CCDC178: variants seen among roughly 807,000 people sequenced by gnomAD.
The protein encoded by CCDC178 is coiled-coil domain containing 178, also known as coiled-coil domain-containing protein 178.
A neutral mutation model predicts 117.4 loss-of-function variants in CCDC178; 126 were observed. The observed-to-expected ratio is 1.07, with a 90% CI of 0.93 to 1.24. The LOEUF is 1.24. Ranked by LOEUF, CCDC178 falls within the 50% of genes most tolerant of loss-of-function variation. CCDC178 has a pLI of 0.00. For synonymous variants in CCDC178, 283 were observed against 313.4 expected (o/e 0.90, Z 1.02); for missense variants, 1,030 against 986.9 (o/e 1.04, Z -0.59).
intron 21 of CCDC178, among the ~76,000 whole-genome samples, chr18:33,085,968 A>C (rs1391233587): frequency 6.6e-6 from 1 of 152,116 alleles, no homozygotes; most frequent in Non-Finnish European, 1.5e-5. Flanking sequence ...TATGTCATTG[A>C]GATGCATATG....
chr18:33,185,740 T>G (rs1303466495), intron 20 of CCDC178, among the ~76,000 whole-genome samples: 2 of 152,054 alleles, frequency 1.3e-5, no homozygotes, highest in African/African-American at 2.4e-5. Flanking sequence ...AAGGTAATCT[T>G]GAATACCCTT....
intron 7 of CCDC178, 22 bp downstream of exon 7, chr18:33,356,301 TA>T: frequency 6.8e-7 from 1 of 1,470,682 alleles, no homozygotes. Flanking sequence ...AAAATAGTTT[TA>T]AAAAGCATGA....
chr18:33,422,277 T>A (rs2064036714), intron 2 of CCDC178, among the ~76,000 whole-genome samples: 1 of 152,196 alleles, frequency 6.6e-6, no homozygotes, highest in Non-Finnish European at 1.5e-5. Context: ...TTTTCCCCAA[T>A]ATTATGATCT....
At chr18:33,071,598 T>C (rs1050985277) in intron 21 of CCDC178, among the ~76,000 whole-genome samples, 34 of 152,196 alleles carry the variant, frequency 2.2e-4, no homozygotes, top group African/African-American at 8.2e-4. Flanking sequence ...GAAAAAATGG[T>C]AGTGAAATCC....
chr18:33,271,188 G>A (rs2059885034), intron 12 of CCDC178, among the ~76,000 whole-genome samples: 1 of 151,250 alleles, frequency 6.6e-6, no homozygotes, highest in African/African-American at 2.4e-5. Flanking sequence ...AAAATATAAA[G>A]ACATAAGACA....
intron 20 of CCDC178, among the ~76,000 whole-genome samples, chr18:33,105,554 G>C (rs1478292375): frequency 6.6e-6 from 1 of 151,496 alleles, no homozygotes; most frequent in African/African-American, 2.4e-5. Flanking sequence ...TTAAATGAGA[G>C]GACTTTTCAA....
intron 20 of CCDC178, among the ~76,000 whole-genome samples, chr18:33,106,787 C>A (rs1176908601): frequency 6.6e-6 from 1 of 151,512 alleles, no homozygotes; most frequent in Non-Finnish European, 1.5e-5. Context: ...TCTTTTCTAC[C>A]TAAGTTCAGA....
At chr18:33,189,210 T>C (rs1281777868) in intron 20 of CCDC178, among the ~76,000 whole-genome samples, 4 of 152,114 alleles carry the variant, frequency 2.6e-5, no homozygotes, top group African/African-American at 7.2e-5. Flanking sequence ...AGAAACCCCA[T>C]GGAAATGAAG....
chr18:33,065,353 C>G (rs538306425), intron 21 of CCDC178, among the ~76,000 whole-genome samples: 9 of 151,916 alleles, frequency 5.9e-5, no homozygotes, highest in Admixed American at 2.6e-4. Context: ...TCAAATTATA[C>G]CCCATGTGTA....
intron 11 of CCDC178, among the ~76,000 whole-genome samples, chr18:33,322,256 C>G (rs1052778714): frequency 6.6e-6 from 1 of 151,792 alleles, no homozygotes; most frequent in Non-Finnish European, 1.5e-5. Flanking sequence ...TCAAACATCA[C>G]CTCGGGGTAT....
chr18:33,379,187 C>CAT (rs200542487), intron 5 of CCDC178, among the ~76,000 whole-genome samples: 9 of 111,278 alleles, frequency 8.1e-5, no homozygotes, highest in Admixed American at 4.2e-4. Context: ...TATATATTTC[C>CAT]ATATATATAA....
chr18:33,328,100 T>TG lies in CCDC178; in HGVS notation c.880-4468_880-4467insC. ...ATCCCTAGATTTTTTTTTTTTTTTT[T>TG]TTTTTTTTTTTTTTTTTTTTGAGAC... On this transcript the variant is annotated intron_variant, in intron 10 of 22. Transcript: ENST00000383096. The TG allele has an allele frequency of 1.0e-4, 17 of 164,182 alleles. 1 individual carries two copies. Among genetic ancestry groups the TG allele is most frequent in the Non-Finnish European group, 1.3e-4 (13 of 98,500 alleles). 10.2% of individuals were successfully genotyped at this position (164,182 alleles called of 1,614,324 possible). A position where few individuals can be genotyped will look rare whatever the true frequency, so the allele number is the denominator to read the frequency against.
intron 20 of CCDC178, among the ~76,000 whole-genome samples, chr18:33,096,961 G>C (rs1374870337): frequency 1.3e-5 from 2 of 152,108 alleles, no homozygotes; most frequent in Non-Finnish European, 2.9e-5. Context: ...AGGTAAGAAA[G>C]ACAAGGCCGA....
In CCDC178 at chr18:33,318,547, A is replaced by G. The variant is rs115900150; in HGVS notation, c.1022+4944T>C. ...ATCAAGAAGTATGGAGTACACAATA[A>G]GAAAATCTAATATATGTTTAATTTG... On this transcript the variant is annotated intron_variant, in intron 11 of 22. Transcript: ENST00000383096. Among the ~76,000 whole-genome samples, 300 of 152,376 alleles carry G rather than the reference A, an allele frequency of 2.0e-3. 1 individual carries two copies. The highest frequency in any genetic ancestry group is 7.1e-3 in the African/African-American group (296 of 41,602).
At chr18:33,059,225 G>A (rs180898919) in intron 21 of CCDC178, among the ~76,000 whole-genome samples, 1 of 152,102 alleles carries the variant, frequency 6.6e-6, no homozygotes, top group Non-Finnish European at 1.5e-5. Context: ...ATTTGAACTG[G>A]AGGCAGAACA....
chr18:33,021,021 T>G (rs1022828401), intron 21 of CCDC178, among the ~76,000 whole-genome samples: 1 of 152,164 alleles, frequency 6.6e-6, no homozygotes, highest in African/African-American at 2.4e-5. Flanking sequence ...TCACGTAGGA[T>G]TCAGAGACTG....
At chr18:33,317,902 A>G (rs754481567) in intron 11 of CCDC178, among the ~76,000 whole-genome samples, 6 of 152,186 alleles carry the variant, frequency 3.9e-5, no homozygotes, top group Non-Finnish European at 8.8e-5. Flanking sequence ...AAAGGACTTC[A>G]AAAGGACCTC....
intron 20 of CCDC178, among the ~76,000 whole-genome samples, chr18:33,187,313 C>T (rs967312969): frequency 3.9e-5 from 6 of 152,032 alleles, no homozygotes; most frequent in African/African-American, 9.7e-5. Flanking sequence ...ATATGGCCCA[C>T]CCTGTCTCCA....
chr18:33,092,675 A>G, intron 21 of CCDC178, 86 bp downstream of exon 21: 2 of 840,064 alleles, frequency 2.4e-6, no homozygotes, highest in Non-Finnish European at 3.8e-6. Context: ...TCGTCAGATC[A>G]GAGGCACCCA....
Sources: gnomAD v4.1 joint callset for allele counts (sites outside exome capture counted in the v4.1 genomes callset) on GRCh38, gnomAD v4.1.1 for gene constraint, MANE v1.5 for transcripts, NCBI Gene and HGNC (gene_info 2026-07-23, HGNC 2026-07-21) for gene names.